The following SIPA1L1 variants were observed in gnomAD, a reference collection of about 807,000 sequenced individuals.
SIPA1L1 encodes signal induced proliferation associated 1 like 1, also known as signal-induced proliferation-associated 1-like protein 1.
SIPA1L1 carries 26 observed loss-of-function variants against 162.7 expected under a neutral mutation model. The observed-to-expected ratio is 0.16, with a 90% CI of 0.12 to 0.22. SIPA1L1 has a LOEUF of 0.22. Among genes scored for constraint, SIPA1L1 ranks in the 10% least tolerant of loss-of-function variants. The pLI, the probability that SIPA1L1 is intolerant of heterozygous loss-of-function variation, is 1.00. For missense variants in SIPA1L1, 1,874 were observed against 2,241.0 expected (o/e 0.84, Z 3.31); for synonymous variants, 829 against 837.4 (o/e 0.99, Z 0.17).
At chr14:71,517,032 TGCTTTCTC>T (rs2051807959) in intron 3 of SIPA1L1, among the ~76,000 whole-genome samples, 1 of 152,078 alleles carries the variant, frequency 6.6e-6, no homozygotes, top group South Asian at 2.1e-4. Context: ...GTGTGAATGG[TGCTTTCTC>T]AAGAGTTTTA....
intron 7 of SIPA1L1, among the ~76,000 whole-genome samples, chr14:71,647,307 A>G (rs2042252187): frequency 6.6e-6 from 1 of 152,094 alleles, no homozygotes; most frequent in African/African-American, 2.4e-5. Context: ...AATTCAGTCA[A>G]AAGAGGCACA....
chr14:71,341,706 C>A (rs780651215), intron 2 of SIPA1L1, among the ~76,000 whole-genome samples: 1 of 152,090 alleles, frequency 6.6e-6, no homozygotes, highest in Non-Finnish European at 1.5e-5. Context: ...TTCTTATGTC[C>A]GTGAGTACCC....
chr14:71,530,341 A>G (rs951361102), intron 4 of SIPA1L1, among the ~76,000 whole-genome samples: 2 of 140,728 alleles, frequency 1.4e-5, no homozygotes, highest in Admixed American at 1.5e-4. Flanking sequence ...ATTCTACCCC[A>G]CCCCCACACC....
intron 2 of SIPA1L1, among the ~76,000 whole-genome samples, chr14:71,483,929 G>T (rs1224698833): frequency 1.3e-5 from 2 of 152,150 alleles, no homozygotes; most frequent in African/African-American, 2.4e-5. Context: ...TGGGCTGCAT[G>T]CCCCACCTCT....
At chr14:71,571,553 C>G (rs149695590) in intron 4 of SIPA1L1, among the ~76,000 whole-genome samples, 99 of 152,244 alleles carry the variant, frequency 6.5e-4, no homozygotes, top group African/African-American at 2.2e-3. Flanking sequence ...ACAGTAAAAG[C>G]TAGAAGTTAA....
chr14:71,538,535 C>G (rs757403044), intron 4 of SIPA1L1, among the ~76,000 whole-genome samples: 64 of 152,202 alleles, frequency 4.2e-4, no homozygotes, highest in Non-Finnish European at 9.0e-4. Flanking sequence ...TTTGCTGTTT[C>G]AGATCTCTCT....
chr14:71,343,756 G>A (rs1431879813), intron 2 of SIPA1L1, among the ~76,000 whole-genome samples: 1 of 152,194 alleles, frequency 6.6e-6, no homozygotes, highest in Non-Finnish European at 1.5e-5. Context: ...GGACCATGCT[G>A]TGGAAGCAGC....
chr14:71,499,828 C>G (rs1418481366), intron 2 of SIPA1L1, among the ~76,000 whole-genome samples: 2 of 152,026 alleles, frequency 1.3e-5, no homozygotes, highest in Non-Finnish European at 2.9e-5. Context: ...AGCCACTGTG[C>G]AAAATTGTTT....
rs562522303 is a variant in SIPA1L1 at position 71,621,007 on chromosome 14, G to T, written c.1629+2120G>T. The stretch of plus-strand genomic sequence containing the variant: ...CAACTCTATTACTGTATTTTCTCAG[G>T]CCAGAAACCATTAAAGCCACACTTT... On this transcript the variant is annotated intron_variant, in intron 6 of 23. Transcript: ENST00000381232. Among the ~76,000 whole-genome samples the T allele has an allele frequency of 6.6e-5, 10 of 152,118 alleles. No individual in the cohort carries two copies. The South Asian group carries it at 1.7e-3, about 25-fold the overall frequency.
At chr14:71,516,133 A>G (rs7149924) in intron 3 of SIPA1L1, among the ~76,000 whole-genome samples, 59,539 of 152,056 alleles carry the variant, frequency 0.39, 12,332 homozygotes, top group East Asian at 0.68. Context: ...CAGCTTGGCA[A>G]TGGTGACACC....
chr14:71,520,092 A>G lies in SIPA1L1; in HGVS notation c.-362+7247A>G, dbSNP rs1478797855. Among the ~76,000 whole-genome samples, 5 of 152,200 alleles carry G rather than the reference A, an allele frequency of 3.3e-5. No homozygotes were observed. The South Asian group carries it at 6.2e-4, about 19-fold the overall frequency. On this transcript the variant is annotated intron_variant, in intron 3 of 23. Transcript: ENST00000381232. ...ACTCAAGCCTAGGTGACAGAGCAAG[A>G]CCCTGTCTCAAAAAAATGAAAAAAC...
intron 4 of SIPA1L1, among the ~76,000 whole-genome samples, chr14:71,560,795 G>A (rs749196360): frequency 2.0e-5 from 3 of 152,194 alleles, no homozygotes; most frequent in Non-Finnish European, 4.4e-5. Flanking sequence ...GTATGTATTA[G>A]ATAAACTTAG....
intron 2 of SIPA1L1, among the ~76,000 whole-genome samples, chr14:71,485,916 AT>A (rs2048716418): frequency 6.6e-6 from 1 of 151,816 alleles, no homozygotes; most frequent in Non-Finnish European, 1.5e-5. Context: ...TTTAACTTCC[AT>A]TTCCCCCCCT....
intron 2 of SIPA1L1, among the ~76,000 whole-genome samples, chr14:71,419,842 C>T (rs889154301): frequency 6.6e-6 from 1 of 152,004 alleles, no homozygotes; most frequent in Middle Eastern, 3.4e-3. Context: ...ACCTGGGCAA[C>T]ATAGTGAGAC....
chr14:71,597,130 T>C (rs2036131435), intron 5 of SIPA1L1, among the ~76,000 whole-genome samples: 1 of 151,750 alleles, frequency 6.6e-6, no homozygotes, highest in South Asian at 2.1e-4. Flanking sequence ...TCATCACGCC[T>C]GGCTAATTTT....
At chr14:71,324,308 A>C (rs1237332147) in intron 2 of SIPA1L1, among the ~76,000 whole-genome samples, 1 of 152,164 alleles carries the variant, frequency 6.6e-6, no homozygotes, top group Admixed American at 6.5e-5. Flanking sequence ...AGTTGAAGTG[A>C]TTTGTTGAAG....
intron 20 of SIPA1L1, among the ~76,000 whole-genome samples, chr14:71,730,637 C>T (rs909533498): frequency 2.6e-5 from 4 of 152,208 alleles, no homozygotes; most frequent in Non-Finnish European, 5.9e-5. Context: ...TTAGTTAGTT[C>T]TTAGAGAGTG....
intron 4 of SIPA1L1, among the ~76,000 whole-genome samples, chr14:71,562,869 G>A (rs2056903085): frequency 6.6e-6 from 1 of 152,162 alleles, no homozygotes; most frequent in South Asian, 2.1e-4. Flanking sequence ...TGGTGAGGCT[G>A]GTCTTGAGCT....
chr14:71,554,000 T>C (rs1375871442), intron 4 of SIPA1L1, among the ~76,000 whole-genome samples: 1 of 152,194 alleles, frequency 6.6e-6, no homozygotes, highest in Non-Finnish European at 1.5e-5. Context: ...GAATGGAATA[T>C]TCCGTTCAGT....
Sources: gnomAD v4.1 joint callset for allele counts (sites outside exome capture counted in the v4.1 genomes callset) on GRCh38, gnomAD v4.1.1 for gene constraint, MANE v1.5 for transcripts, NCBI Gene and HGNC (gene_info 2026-07-23, HGNC 2026-07-21) for gene names.